TSC1: variants seen among roughly 807,000 people sequenced by gnomAD.
The protein encoded by TSC1 is TSC complex subunit 1.
TSC1 carries 20 observed loss-of-function variants against 124.3 expected under a neutral mutation model. The observed-to-expected ratio is 0.16, with a 90% CI of 0.11 to 0.23. The LOEUF is 0.23. Among genes scored for constraint, TSC1 ranks in the 10% least tolerant of loss-of-function variants. The pLI is 1.00. For missense variants in TSC1, 1,124 were observed against 1,448.5 expected (o/e 0.78, Z 3.64); for synonymous variants, 493 against 539.1 (o/e 0.91, Z 1.19).
intron 8 of TSC1, among the ~76,000 whole-genome samples, chr9:132,915,277 C>T (rs1846217185): frequency 6.6e-6 from 1 of 151,842 alleles, no homozygotes; most frequent in Non-Finnish European, 1.5e-5. Context: ...CCCAGGAGTT[C>T]GAGATCAGCT....
rs1350928783 is a variant in TSC1 at position 132,902,783 on chromosome 9, T to A, written c.2213A>T (p.Asp738Val). Reference protein sequence around the residue: ...ALEEHNAAMKDQLKLQEKDIQ... With the variant: ...ALEEHNAAMKVQLKLQEKDIQ... ...GTCCTTCTCTTGTAACTTCAACTGATCTTTCTAGCAGAGACCAGAAATGTC... is the reference window on the plus strand; with the variant it reads ...GTCCTTCTCTTGTAACTTCAACTGAACTTTCTAGCAGAGACCAGAAATGTC... Residue 738 changes from aspartate (D) to valine (V), a missense_variant, in exon 18 of 23, where the codon GAT (aspartate) becomes GTT (valine). By Grantham distance (152) the Asp-to-Val change is radical. Transcript: ENST00000298552. This position sits in a 1 kb window ranked among gnomAD's most constrained non-coding sequence, Gnocchi z 5.2. 6.2e-7 allele frequency: 1 copy of A among 1,613,454 alleles called. No individual in the cohort carries two copies. Among genetic ancestry groups the A allele is most frequent in the Non-Finnish European group, 8.5e-7 (1 of 1,180,038 alleles).
rs1588310350 is a variant in TSC1 at position 132,905,965 on chromosome 9, G to A, written c.1613C>T (p.Ser538Phe). 2.5e-6 allele frequency: 4 copies of A among 1,614,098 alleles called. No individual in the cohort carries two copies. Among genetic ancestry groups the A allele is most frequent in the Non-Finnish European group, 3.4e-6 (4 of 1,179,986 alleles). ...GASVNPEPLHSSLDKLGPDTP... is the reference protein window; with the variant it reads ...GASVNPEPLHFSLDKLGPDTP... ...GTCAGGCCCAAGCTTGTCCAGGGAGGAGTGTAAAGGCTCAGGGTTCACGCT... is the reference window on the plus strand; with the variant it reads ...GTCAGGCCCAAGCTTGTCCAGGGAGAAGTGTAAAGGCTCAGGGTTCACGCT... The change falls in exon 15 of 23, where the codon TCC becomes TTC. Residue 538 changes from serine to phenylalanine, a missense_variant. Ser to Phe is a radical substitution (Grantham distance 155). This residue lies in a region of TSC1 where 321 missense variants were observed against 397.4 expected (regional missense o/e 0.81). Coordinates refer to ENST00000298552, the MANE Select transcript of TSC1 (RefSeq NM_000368.5).
chr9:132,898,517 C>T (rs955083093), intron 20 of TSC1, among the ~76,000 whole-genome samples: 3 of 152,194 alleles, frequency 2.0e-5, no homozygotes, highest in Non-Finnish European at 4.4e-5. Context: ...CCCAATGCTT[C>T]CTTGTTATAG....
Position 132,895,492 on chromosome 9 carries a change from A to T in TSC1, c.*743T>A, listed in dbSNP as rs1281361017. 4.3e-6 allele frequency: 1 copy of T among 233,830 alleles called. No homozygotes were observed. Among genetic ancestry groups the T allele is most frequent in the Non-Finnish European group, 8.5e-6 (1 of 118,282 alleles). The allele number at this position is 233,830 out of a possible 1,614,324, so 14.5% of individuals were successfully genotyped here. A position where few individuals can be genotyped will look rare whatever the true frequency, so the allele number is the denominator to read the frequency against. Reference sequence around the variant, plus strand: ...GTCACAATAGTACCAGCATTCAAGCAAACACCAAATAAATAAGAGGTAGTG... The same window carrying T: ...GTCACAATAGTACCAGCATTCAAGCTAACACCAAATAAATAAGAGGTAGTG... On this transcript the variant is annotated 3_prime_UTR_variant, in exon 23 of 23. Transcript: ENST00000298552.
rs1304291054 is a variant in TSC1 at position 132,911,458 on chromosome 9, G to A, written c.1024C>T (p.Pro342Ser). 1 of 1,610,486 alleles carries A rather than the reference G, an allele frequency of 6.2e-7. No individual in the cohort carries two copies. The highest frequency in any genetic ancestry group is 1.3e-5 in the African/African-American group (1 of 74,880). The part of the protein sequence containing the change: ...SPSTRLITEP[P>S]QATLWSPSMV... The stretch of plus-strand genomic sequence containing the variant: ...CACACTAGTTGACACCATACTTGTG[G>A]TGGTTCAGTTATCAGCCGTGTCGAT... Residue 342 changes from proline to serine, a missense_variant, in exon 10 of 23, where the codon CCA (proline) becomes TCA (serine). Physicochemically the swap from Pro to Ser is moderately conservative, Grantham distance 74 (BLOSUM62 -1). This residue lies in a region of TSC1 where 463 missense variants were observed against 606.8 expected (regional missense o/e 0.76). Coordinates refer to ENST00000298552, the MANE Select transcript of TSC1 (RefSeq NM_000368.5).
In TSC1 at chr9:132,935,058, A is replaced by G; in HGVS notation, c.-106T>C. 1 of 399,098 alleles carries G rather than the reference A, an allele frequency of 2.5e-6. No homozygotes were observed. The highest frequency in any genetic ancestry group is 4.4e-6 in the Non-Finnish European group (1 of 226,074). 24.7% of individuals were successfully genotyped at this position (399,098 alleles called of 1,614,324 possible). A position where few individuals can be genotyped will look rare whatever the true frequency, so the allele number is the denominator to read the frequency against. On this transcript the variant is annotated 5_prime_UTR_variant, in exon 2 of 23. Coordinates refer to ENST00000298552, the MANE Select transcript of TSC1 (RefSeq NM_000368.5). ...CTGTTCTAGCGACAACTGGTACTTC[A>G]GTTTCCAGTGCTGTCAACCTGGTGT...
chr9:132,922,484 T>C (rs1297418013), intron 6 of TSC1, among the ~76,000 whole-genome samples: 1 of 152,230 alleles, frequency 6.6e-6, no homozygotes, highest in Non-Finnish European at 1.5e-5. Context: ...TATGTAGTCT[T>C]AGCTATGCAG....
chr9:132,906,800 T>G lies in TSC1; in HGVS notation c.1369A>C (p.Ser457Arg), dbSNP rs587778722. 10 of 1,614,042 alleles carry G rather than the reference T, an allele frequency of 6.2e-6. No homozygotes were observed. The East Asian group carries it at 2.2e-4, about 36-fold the overall frequency. ...TCACCTAAAAACCCTGGAAGATCAC[T>G]TAGAGTGACAGAACCTTTGCTGCCA... ...PPGSKGSVTL[S>R]DLPGFLGDLA... The change falls in exon 14 of 23, where the codon AGT becomes CGT. Residue 457 changes from serine (S) to arginine (R), a missense_variant. By Grantham distance (110) the Ser-to-Arg change is moderately radical. This residue lies in a region of TSC1 where 463 missense variants were observed against 606.8 expected (regional missense o/e 0.76). Transcript: ENST00000298552. This position sits in a 1 kb window ranked among gnomAD's most constrained non-coding sequence, Gnocchi z 4.1.
At chr9:132,907,207 G>T in intron 13 of TSC1, 94 bp downstream of exon 13, 1 of 1,085,440 alleles carries the variant, frequency 9.2e-7, no homozygotes, top group Non-Finnish European at 1.4e-6. Context: ...GGATATCCCA[G>T]AATTTCCTTG....
rs1224115441 is a variant in TSC1 at position 132,923,791 on chromosome 9, T to C, written c.364-299A>G. The C allele has an allele frequency of 8.1e-6, 3 of 372,492 alleles. No individual in the cohort carries two copies. The highest frequency in any genetic ancestry group is 2.1e-5 in the African/African-American group (1 of 48,748). The allele number at this position is 372,492 out of a possible 1,614,324, so 23.1% of individuals were successfully genotyped here. A position where few individuals can be genotyped will look rare whatever the true frequency, so the allele number is the denominator to read the frequency against. ...TGGGGACACCCAAGTCCTGCAGCCT[T>C]AGGATGCCCTATTGATAGCAGTTGG... On this transcript the variant is annotated intron_variant, in intron 5 of 22. Transcript: ENST00000298552. This position sits in a 1 kb window ranked among gnomAD's most constrained non-coding sequence, Gnocchi z 4.2.
Position 132,893,117 on chromosome 9 carries a change from GCT to G in TSC1, c.*3116_*3117del, listed in dbSNP as rs1844854678. ...CACATAAGCTTTGGCTCACAAAGTA[GCT>G]CACCTCTCGCCTCTCCACTCTTCAA... On this transcript the variant is annotated 3_prime_UTR_variant, in exon 23 of 23. Transcript: ENST00000298552. 1 of 233,310 alleles carries G rather than the reference GCT, an allele frequency of 4.3e-6. No homozygotes were observed. The highest frequency in any genetic ancestry group is 8.5e-6 in the Non-Finnish European group (1 of 118,062). The allele number at this position is 233,310 out of a possible 1,614,324, so 14.5% of individuals were successfully genotyped here. A position where few individuals can be genotyped will look rare whatever the true frequency, so the allele number is the denominator to read the frequency against.
intron 12 of TSC1, 22 bp from the exon 13 acceptor site, chr9:132,907,392 ATAT>A: frequency 6.3e-7 from 1 of 1,594,414 alleles, no homozygotes; most frequent in Non-Finnish European, 8.6e-7. Context: ...AGTATCATTT[ATAT>A]CACAAGACGA....
At chr9:132,911,340 G>C in intron 10 of TSC1, 113 bp downstream of exon 10, 1 of 895,230 alleles carries the variant, frequency 1.1e-6, no homozygotes, top group South Asian at 1.3e-5. Flanking sequence ...CCTTAAAAGT[G>C]ACTCCTGAAA....
At position 132,907,329 on chromosome 9, in the gene TSC1, T is replaced by C. The variant is rs1334781311; in HGVS notation, c.1305A>G (p.Gln435=). Residue 435 remains glutamine, a synonymous_variant, in exon 13 of 23, where the codon CAA becomes CAG. Transcript: ENST00000298552. ...MDSARPCLHR[Q]HHLLNDRGSE... ...ATCCTCTGTCATTCAGAAGATGGTG[T>C]TGTCTGTGTAGACATGGTCTTGCAG... 2 of 1,614,094 alleles carry C rather than the reference T, an allele frequency of 1.2e-6. No individual in the cohort carries two copies. The highest frequency in any genetic ancestry group is 1.7e-5 in the Admixed American group (1 of 60,010).
chr9:132,910,423 G>T, intron 12 of TSC1, 148 bp downstream of exon 12: 1 of 1,457,144 alleles, frequency 6.9e-7, no homozygotes, highest in Non-Finnish European at 9.5e-7. Context: ...CTTGAGAGCA[G>T]CTTGTTAGTC....
intron 6 of TSC1, among the ~76,000 whole-genome samples, 199 bp from the exon 7 acceptor site, chr9:132,922,172 G>C (rs1320634764): frequency 1.3e-5 from 2 of 152,052 alleles, no homozygotes; most frequent in African/African-American, 4.8e-5. Context: ...TCCATCAATG[G>C]CTCCCTATAA....
chr9:132,924,093 TAC>T (rs1846723871), intron 5 of TSC1, among the ~76,000 whole-genome samples: 1 of 152,064 alleles, frequency 6.6e-6, no homozygotes, highest in Non-Finnish European at 1.5e-5. Context: ...TCAGCACGCC[TAC>T]AGTTTAAATA....
intron 1 of TSC1, chr9:132,941,225 A>C (rs574945884): frequency 6.6e-6 from 1 of 152,368 alleles, no homozygotes; most frequent in African/African-American, 2.4e-5. Context: ...GTTCATAATA[A>C]AAGTTAGCAC....
At chr9:132,912,667 G>A in intron 8 of TSC1, 2 of 594,432 alleles carry the variant, frequency 3.4e-6, no homozygotes, top group East Asian at 5.8e-5. Context: ...GTTATATCAA[G>A]TTTACAAGCT....
Sources: gnomAD v4.1 joint callset for allele counts (sites outside exome capture counted in the v4.1 genomes callset) on GRCh38, gnomAD v4.1.1 for gene constraint, gnomAD v4.1.1 regional missense constraint, Gnocchi (gnomAD v3.1) non-coding constraint, MANE v1.5 for transcripts, NCBI Gene and HGNC (gene_info 2026-07-23, HGNC 2026-07-21) for gene names.